The following CYSLTR1 variants were observed in gnomAD, a reference collection of about 807,000 sequenced individuals.
CYSLTR1 encodes cysteinyl leukotriene receptor 1, also known as G-protein coupled receptor HG55.
A neutral mutation model predicts 2.1 loss-of-function variants in CYSLTR1; 1 was observed. That is an observed-to-expected ratio of 0.48 (90% confidence interval 0.17 to 2.28). The LOEUF is 2.28. Among genes scored for constraint, CYSLTR1 ranks in the 30% most tolerant of loss-of-function variants. CYSLTR1 has a pLI of 0.26. For missense variants in CYSLTR1, 299 were observed against 250.1 expected, an observed-to-expected ratio of 1.20 and a Z score of -1.32; for synonymous variants, 110 against 89.6, an observed-to-expected ratio of 1.23 and a Z score of -1.28.
intron 1 of CYSLTR1, among the ~76,000 whole-genome samples, chrX:78,316,546 T>C (rs896246763): frequency 4.5e-5 from 5 of 111,873 alleles, no homozygotes; most frequent in African/African-American, 1.6e-4. Flanking sequence ...TGGAGCACTA[T>C]AGGAGCGAGG....
At chrX:78,280,266 G>T (rs927304207) in intron 2 of CYSLTR1, among the ~76,000 whole-genome samples, 2 of 111,437 alleles carry the variant, frequency 1.8e-5, no homozygotes, top group African/African-American at 6.5e-5. Flanking sequence ...ACTGCCTAAA[G>T]TTAATCTTTT....
Position 78,273,319 on chromosome X carries a change from A to G in CYSLTR1, c.428T>C (p.Val143Ala). 1 of 1,211,296 alleles carries G rather than the reference A, an allele frequency of 8.3e-7. No individual in the cohort carries two copies. Among genetic ancestry groups the G allele is most frequent in the South Asian group, 1.8e-5 (1 of 56,938 alleles). ...NLVTQKKARF[V>A]CVGIWIFVIL... is the part of the protein sequence containing the mutation. The stretch of plus-strand genomic sequence containing the variant: ...CACAAAAATCCAAATACCTACACAC[A>G]CAAACCTGGCTTTTTTCTGTGTAAC... The change falls in exon 3 of 3, where the codon GTG (valine) becomes GCG (alanine). Residue 143 changes from valine to alanine, a missense_variant. Val to Ala is a moderately conservative substitution (Grantham distance 64, BLOSUM62 0). Coordinates refer to ENST00000373304, the MANE Select transcript of CYSLTR1 (RefSeq NM_006639.4).
Position 78,271,542 on chromosome X carries a change from CT to C in CYSLTR1, c.*1190del, listed in dbSNP as rs1325227709. The C allele has an allele frequency of 8.9e-6, 1 of 111,830 alleles. No homozygotes were observed. Among genetic ancestry groups the C allele is most frequent in the East Asian group, 2.8e-4 (1 of 3,588 alleles). The allele number at this position is 111,830 out of a possible 1,213,427, so 9.2% of individuals were successfully genotyped here. The stretch of plus-strand genomic sequence containing the variant: ...AAACAAACTTAAAGGACACACTACA[CT>C]TCAGCAAAAGCTTGTCCACGCATAT... On this transcript the variant is annotated 3_prime_UTR_variant, in exon 3 of 3. Coordinates refer to ENST00000373304, the MANE Select transcript of CYSLTR1 (RefSeq NM_006639.4).
chrX:78,302,322 TG>T (rs1464929766), intron 1 of CYSLTR1, among the ~76,000 whole-genome samples: 2 of 112,188 alleles, frequency 1.8e-5, no homozygotes, highest in African/African-American at 6.5e-5. Context: ...GGCTCCCCTC[TG>T]GCCCAGGGAA....
Position 78,273,543 on chromosome X carries a change from T to C in CYSLTR1, c.204A>G (p.Ala68=). The change falls in exon 3 of 3, where the codon GCA becomes GCG. Residue 68 remains alanine (A), a synonymous_variant. Coordinates refer to ENST00000373304, the MANE Select transcript of CYSLTR1 (RefSeq NM_006639.4). ...GCAGTGTGCACACACAAAGTAGATC[T>C]GCTACTGCTAAATTAATCATGTATA... ...FQVYMINLAV[A]DLLCVCTLPL... The C allele has an allele frequency of 8.3e-7, 1 of 1,211,741 alleles. No homozygotes were observed.
intron 1 of CYSLTR1, among the ~76,000 whole-genome samples, chrX:78,302,454 T>A (rs900043375): frequency 9.0e-6 from 1 of 111,605 alleles, no homozygotes; most frequent in Non-Finnish European, 1.9e-5. Context: ...AGGTTCATTT[T>A]TACTTCTCCC....
chrX:78,303,659 A>T (rs1200588940), intron 1 of CYSLTR1, among the ~76,000 whole-genome samples: 1 of 111,715 alleles, frequency 9.0e-6, no homozygotes, highest in Non-Finnish European at 1.9e-5. Context: ...ATTTGAGTTA[A>T]TCCATTTTCT....
At chrX:78,308,438 G>T (rs913770440) in intron 1 of CYSLTR1, among the ~76,000 whole-genome samples, 3 of 111,252 alleles carry the variant, frequency 2.7e-5, no homozygotes, top group African/African-American at 9.8e-5. Flanking sequence ...TAAATTTCCT[G>T]AGGTTCAAGT....
At chrX:78,321,907 C>T (rs1046745035) in intron 1 of CYSLTR1, among the ~76,000 whole-genome samples, 2 of 111,258 alleles carry the variant, frequency 1.8e-5, no homozygotes, top group African/African-American at 6.6e-5. Context: ...AAGTTATACG[C>T]CTGCCAAGAT....
At chrX:78,282,827 A>G (rs1921895577) in intron 2 of CYSLTR1, among the ~76,000 whole-genome samples, 1 of 112,320 alleles carries the variant, frequency 8.9e-6, no homozygotes, top group Non-Finnish European at 1.9e-5. Context: ...CAAATCTTTG[A>G]AAGATGCTAA....
chrX:78,286,404 C>A (rs1252527223), intron 1 of CYSLTR1, among the ~76,000 whole-genome samples: 1 of 112,131 alleles, frequency 8.9e-6, no homozygotes, highest in East Asian at 2.8e-4. Context: ...AAAGCTTCCA[C>A]AAACATTTAT....
At chrX:78,313,205 A>G (rs1274102871) in intron 1 of CYSLTR1, among the ~76,000 whole-genome samples, 1 of 112,120 alleles carries the variant, frequency 8.9e-6, no homozygotes. Context: ...GCAAATTAAC[A>G]TAGGAACAGA....
intron 1 of CYSLTR1, among the ~76,000 whole-genome samples, chrX:78,323,267 G>A (rs1428760164): frequency 8.9e-6 from 1 of 111,940 alleles, no homozygotes; most frequent in Non-Finnish European, 1.9e-5. Flanking sequence ...ATCCTCTGAT[G>A]TTCTGAGGTC....
chrX:78,307,408 A>T (rs928035250), intron 1 of CYSLTR1, among the ~76,000 whole-genome samples: 4 of 111,415 alleles, frequency 3.6e-5, no homozygotes, highest in African/African-American at 1.3e-4. Context: ...TTATCTTACA[A>T]CATTGCTGTT....
intron 1 of CYSLTR1, among the ~76,000 whole-genome samples, chrX:78,292,972 T>C (rs1308520639): frequency 2.7e-5 from 3 of 111,327 alleles, no homozygotes; most frequent in East Asian, 5.6e-4. Flanking sequence ...ATTTGGACCA[T>C]TTACATTTAA....
intron 1 of CYSLTR1, chrX:78,321,699 A>AC (rs1289388090): frequency 1.8e-5 from 2 of 108,227 alleles, no homozygotes; most frequent in African/African-American, 6.8e-5. Flanking sequence ...TCAAAAAAAA[A>AC]AAAAAAGGCA....
At chrX:78,301,211 C>T (rs1056584737) in intron 1 of CYSLTR1, among the ~76,000 whole-genome samples, 2 of 112,428 alleles carry the variant, frequency 1.8e-5, no homozygotes, top group Non-Finnish European at 1.9e-5. Context: ...GAGACATTTT[C>T]CCCATTGTCT....
At chrX:78,283,078 TCA>T (rs1441956806) in intron 2 of CYSLTR1, among the ~76,000 whole-genome samples, 1 of 112,445 alleles carries the variant, frequency 8.9e-6, no homozygotes, top group Non-Finnish European at 1.9e-5. Flanking sequence ...GCCACTCATT[TCA>T]CAGATTATGG....
chrX:78,292,103 T>G (rs1922363436), intron 1 of CYSLTR1, among the ~76,000 whole-genome samples: 1 of 112,115 alleles, frequency 8.9e-6, no homozygotes, highest in Non-Finnish European at 1.9e-5. Context: ...TTTGTGAACA[T>G]TTAGTGCTAT....
Sources: gnomAD v4.1 joint callset for allele counts (sites outside exome capture counted in the v4.1 genomes callset) on GRCh38, gnomAD v4.1.1 for gene constraint, MANE v1.5 for transcripts, NCBI Gene and HGNC (gene_info 2026-07-23, HGNC 2026-07-21) for gene names.